PCBP3: variants seen among roughly 807,000 people sequenced by gnomAD.
PCBP3 encodes the protein poly(rC) binding protein 3.
In PCBP3, 25 loss-of-function variants were observed where a neutral mutation model predicts 52.7. The ratio of observed to expected loss-of-function variants is 0.47; its 90% CI spans 0.35 to 0.66. The LOEUF is 0.66. Among genes scored for constraint, PCBP3 ranks in the 30% least tolerant of loss-of-function variants. The pLI, the probability that PCBP3 is intolerant of heterozygous loss-of-function variation, is 0.01. For missense variants in PCBP3, 391 were observed against 490.3 expected (o/e 0.80, Z 1.91); for synonymous variants, 162 against 183.0 (o/e 0.89, Z 0.93).
chr21:45,804,111 G>A (rs2092409028), intron 4 of PCBP3, among the ~76,000 whole-genome samples: 1 of 152,128 alleles, frequency 6.6e-6, no homozygotes, highest in Non-Finnish European at 1.5e-5. Flanking sequence ...CCCACTGCCT[G>A]CTGCCGCGCC....
chr21:45,926,611 G>T (rs425232), intron 13 of PCBP3, among the ~76,000 whole-genome samples: 30,323 of 152,028 alleles, frequency 0.2, 3,779 homozygotes, highest in Non-Finnish European at 0.28. Flanking sequence ...GGACAGGACA[G>T]AGCTGCCCAC....
At chr21:45,877,389 A>C (rs2095288625) in intron 5 of PCBP3, among the ~76,000 whole-genome samples, 1 of 152,222 alleles carries the variant, frequency 6.6e-6, no homozygotes, top group African/African-American at 2.4e-5. Context: ...TTACTAGGGC[A>C]GTATTCATTT....
At chr21:45,938,461 G>A (rs992413809) in intron 16 of PCBP3, among the ~76,000 whole-genome samples, 1 of 152,214 alleles carries the variant, frequency 6.6e-6, no homozygotes, top group Non-Finnish European at 1.5e-5. Flanking sequence ...CATCAGAGAT[G>A]AGCCCTTCAG....
At chr21:45,850,908 T>C (rs1325858893) in intron 5 of PCBP3, among the ~76,000 whole-genome samples, 2 of 152,150 alleles carry the variant, frequency 1.3e-5, no homozygotes, top group Admixed American at 6.6e-5. Context: ...ATAAATAATA[T>C]GCTATAAAAA....
rs530310528 is a variant in PCBP3 at position 45,740,060 on chromosome 21, C to T, written c.-162+4631C>T. Among the ~76,000 whole-genome samples the T allele has an allele frequency of 2.4e-4, 37 of 152,354 alleles. 1 individual carries two copies. The Middle Eastern group carries it at 0.01, about 42-fold the overall frequency. On this transcript the variant is annotated intron_variant, in intron 3 of 17. Coordinates refer to ENST00000681687, the MANE Select transcript of PCBP3 (RefSeq NM_001384156.1). ...CATTCTGTTCTGTCTGCTTCCCCTT[C>T]CTCAGATCTCTGATCTAATCAGATG...
intron 5 of PCBP3, among the ~76,000 whole-genome samples, chr21:45,886,600 C>T (rs35974920): frequency 7.0e-6 from 1 of 143,860 alleles, no homozygotes; most frequent in Non-Finnish European, 1.5e-5. Flanking sequence ...GGGCAGAGGA[C>T]GTGGTGAGGT....
At chr21:45,646,105 CTCTGTGTGTG>C (rs1263765686) in intron 1 of PCBP3, among the ~76,000 whole-genome samples, 85 of 92,944 alleles carry the variant, frequency 9.1e-4, no homozygotes, top group African/African-American at 1.8e-3. Context: ...CTCTCTCTCT[CTCTGTGTGTG>C]TGTGTGTGTG....
intron 5 of PCBP3, among the ~76,000 whole-genome samples, chr21:45,879,576 A>T (rs553143976): frequency 4.6e-5 from 7 of 152,330 alleles, no homozygotes; most frequent in Admixed American, 1.3e-4. Flanking sequence ...AAAAAACTAA[A>T]GCCTAACAAA....
At chr21:45,860,345 T>G (rs1826704497) in intron 5 of PCBP3, among the ~76,000 whole-genome samples, 3 of 152,228 alleles carry the variant, frequency 2.0e-5, no homozygotes, top group African/African-American at 7.2e-5. Context: ...AGGTCTCTAA[T>G]TTTATTACGT....
intron 15 of PCBP3, among the ~76,000 whole-genome samples, chr21:45,931,293 G>A (rs2076140899): frequency 6.6e-6 from 1 of 152,218 alleles, no homozygotes; most frequent in South Asian, 2.1e-4. Context: ...TTTGCCTGGG[G>A]CTTAGCAGGT....
At chr21:45,822,749 A>G (rs2093180057) in intron 4 of PCBP3, among the ~76,000 whole-genome samples, 1 of 152,206 alleles carries the variant, frequency 6.6e-6, no homozygotes, top group Non-Finnish European at 1.5e-5. Flanking sequence ...GGACACACCC[A>G]TCTTGGTTGT....
chr21:45,860,172 C>T (rs1462130289), intron 5 of PCBP3, among the ~76,000 whole-genome samples: 3 of 59,872 alleles, frequency 5.0e-5, no homozygotes, highest in South Asian at 9.7e-4. Flanking sequence ...CCTCTCCAGC[C>T]GACATCCGGG....
At chr21:45,669,317 C>G (rs2080998356) in intron 2 of PCBP3, among the ~76,000 whole-genome samples, 1 of 151,982 alleles carries the variant, frequency 6.6e-6, no homozygotes, top group African/African-American at 2.4e-5. Context: ...CCATTCATGA[C>G]TTTATAACTT....
At chr21:45,660,833 G>T (rs1369966960) in intron 1 of PCBP3, among the ~76,000 whole-genome samples, 1 of 152,170 alleles carries the variant, frequency 6.6e-6, no homozygotes, top group Non-Finnish European at 1.5e-5. Flanking sequence ...GAGGTCAGGA[G>T]TTCGAGACCA....
At chr21:45,903,027 C>T (rs865800425) in intron 9 of PCBP3, among the ~76,000 whole-genome samples, 1 of 152,186 alleles carries the variant, frequency 6.6e-6, no homozygotes, top group Non-Finnish European at 1.5e-5. Flanking sequence ...GTCAGAATTT[C>T]CAGCTGTGGA....
chr21:45,912,414 C>T (rs1254832050), intron 11 of PCBP3, among the ~76,000 whole-genome samples: 3 of 152,178 alleles, frequency 2.0e-5, no homozygotes, highest in African/African-American at 7.2e-5. Flanking sequence ...AAAATAAAGC[C>T]AAGGATGCCT....
At chr21:45,699,768 T>C (rs966384744) in intron 2 of PCBP3, among the ~76,000 whole-genome samples, 6 of 152,162 alleles carry the variant, frequency 3.9e-5, no homozygotes, top group East Asian at 1.9e-4. Context: ...AAGAGACTTA[T>C]TCACTGTCAC....
intron 2 of PCBP3, among the ~76,000 whole-genome samples, chr21:45,686,948 G>GA: frequency 6.6e-6 from 1 of 151,602 alleles, no homozygotes; most frequent in Non-Finnish European, 1.5e-5. Context: ...AAGGTGTGAA[G>GA]AAAAAAAATA....
chr21:45,881,244 C>G (rs1259343786), intron 5 of PCBP3, among the ~76,000 whole-genome samples: 2 of 152,214 alleles, frequency 1.3e-5, no homozygotes, highest in African/African-American at 4.8e-5. Flanking sequence ...TCTGAGCCAG[C>G]CTTGCATCAC....
Sources: gnomAD v4.1 joint callset for allele counts (sites outside exome capture counted in the v4.1 genomes callset) on GRCh38, gnomAD v4.1.1 for gene constraint, MANE v1.5 for transcripts, NCBI Gene and HGNC (gene_info 2026-07-23, HGNC 2026-07-21) for gene names.